The following RUNX2 variants were observed in gnomAD, a reference collection of about 807,000 sequenced individuals.
The protein encoded by RUNX2 is RUNX family transcription factor 2, also known as runt-related transcription factor 2.
Under a neutral mutation model 51.7 loss-of-function variants are expected in RUNX2, and 10 were observed. That is an observed-to-expected ratio of 0.19 (90% CI 0.12 to 0.33). The LOEUF (loss-of-function observed/expected upper bound fraction) is 0.33. Among genes scored for constraint, RUNX2 ranks in the 10% least tolerant of loss-of-function variants. RUNX2 has a pLI of 1.00. For synonymous variants in RUNX2, 276 were observed against 273.6 expected (o/e 1.01, Z -0.09); for missense variants, 562 against 691.3 (o/e 0.81, Z 2.10).
chr6:45,489,104 A>G (rs1439401764), intron 5 of RUNX2, among the ~76,000 whole-genome samples: 3 of 152,196 alleles, frequency 2.0e-5, no homozygotes, highest in African/African-American at 7.2e-5. Context: ...TACATTATGA[A>G]GAGTGCATTT....
intron 7 of RUNX2, among the ~76,000 whole-genome samples, chr6:45,515,935 A>C (rs1171073205): frequency 3.3e-5 from 5 of 152,192 alleles, no homozygotes; most frequent in Admixed American, 6.5e-5. Context: ...GTTCCAAAAG[A>C]AATTCCATTT....
chr6:45,549,893 TCTTC>T lies in RUNX2; in HGVS notation c.*2590_*2593del, dbSNP rs1470397707. On this transcript the variant is annotated 3_prime_UTR_variant, in exon 9 of 9. Transcript: ENST00000647337. ...TTTCCTTGGGAAAAATTCAAGCACTTCTTCCCTCCACCCTCACTCCAACCACCCC... is the reference window on the plus strand; with the variant it reads ...TTTCCTTGGGAAAAATTCAAGCACTTCCTCCACCCTCACTCCAACCACCCC... 7 of 152,820 alleles carry T rather than the reference TCTTC, an allele frequency of 4.6e-5. No homozygotes were observed. The highest frequency in any genetic ancestry group is 1.7e-4 in the African/African-American group (7 of 41,576). The allele number at this position is 152,820 out of a possible 1,614,324, so 9.5% of individuals were successfully genotyped here.
chr6:45,416,382 C>T (rs890220702), intron 2 of RUNX2, among the ~76,000 whole-genome samples: 7 of 152,148 alleles, frequency 4.6e-5, no homozygotes, highest in African/African-American at 1.7e-4. Context: ...AGTCACTGCC[C>T]TAATGCCTAA....
intron 5 of RUNX2, among the ~76,000 whole-genome samples, chr6:45,441,167 T>C (rs1342726212): frequency 6.6e-6 from 1 of 152,204 alleles, no homozygotes; most frequent in African/African-American, 2.4e-5. Flanking sequence ...AGTAGTATAC[T>C]TCTGTTTATC....
chr6:45,401,551 GA>G (rs1335134215), intron 2 of RUNX2, among the ~76,000 whole-genome samples: 4 of 152,202 alleles, frequency 2.6e-5, no homozygotes, highest in Admixed American at 6.5e-5. Context: ...ATCCAAAAAA[GA>G]GGTATGATTT....
chr6:45,346,783 T>C (rs1422908980), intron 2 of RUNX2, among the ~76,000 whole-genome samples: 1 of 152,102 alleles, frequency 6.6e-6, no homozygotes, highest in Non-Finnish European at 1.5e-5. Flanking sequence ...GTCAGGCTGG[T>C]CTCAAACTTG....
intron 3 of RUNX2, among the ~76,000 whole-genome samples, chr6:45,423,838 C>A (rs1371188842): frequency 2.0e-5 from 3 of 152,096 alleles, no homozygotes; most frequent in Non-Finnish European, 2.9e-5. Context: ...TGCTGGGAGG[C>A]GCGGGCCAGG....
chr6:45,383,212 A>T (rs1797277839), intron 2 of RUNX2, among the ~76,000 whole-genome samples: 2 of 152,172 alleles, frequency 1.3e-5, no homozygotes, highest in African/African-American at 4.8e-5. Context: ...AGGCAGGTGG[A>T]TCATTTGAGG....
intron 5 of RUNX2, among the ~76,000 whole-genome samples, chr6:45,459,556 G>A (rs986760763): frequency 2.0e-5 from 3 of 152,180 alleles, no homozygotes; most frequent in Admixed American, 2.0e-4. Flanking sequence ...ATTCAATTCG[G>A]CTATCACATG....
intron 2 of RUNX2, among the ~76,000 whole-genome samples, chr6:45,378,132 C>G (rs1200965341): frequency 1.3e-5 from 2 of 152,176 alleles, no homozygotes; most frequent in Middle Eastern, 6.4e-3. Flanking sequence ...GGGCGTTGTG[C>G]GCGGCCTTCA....
intron 2 of RUNX2, among the ~76,000 whole-genome samples, chr6:45,394,495 G>C (rs1797541711): frequency 6.6e-6 from 1 of 152,152 alleles, no homozygotes; most frequent in Admixed American, 6.5e-5. Flanking sequence ...AGATCTTTTA[G>C]CTGTGATTCT....
At chr6:45,429,072 T>A (rs1018673220) in intron 3 of RUNX2, among the ~76,000 whole-genome samples, 3 of 152,226 alleles carry the variant, frequency 2.0e-5, no homozygotes, top group Admixed American at 6.5e-5. Context: ...TCATTATAAT[T>A]ACACTCTATA....
intron 5 of RUNX2, among the ~76,000 whole-genome samples, chr6:45,449,669 G>T (rs1180065676): frequency 6.6e-6 from 1 of 152,208 alleles, no homozygotes; most frequent in African/African-American, 2.4e-5. Flanking sequence ...TAGTACAGAA[G>T]TCAAAGTTAT....
intron 2 of RUNX2, among the ~76,000 whole-genome samples, chr6:45,420,506 CCAACCAT>C (rs1395044449): frequency 6.6e-6 from 1 of 152,164 alleles, no homozygotes; most frequent in Non-Finnish European, 1.5e-5. Flanking sequence ...GAGAGATGAC[CCAACCAT>C]CTTTCTTCCT....
intron 6 of RUNX2, among the ~76,000 whole-genome samples, chr6:45,499,470 C>A (rs915507955): frequency 1.3e-5 from 2 of 152,160 alleles, no homozygotes; most frequent in Non-Finnish European, 2.9e-5. Context: ...AAGAATGAAG[C>A]TTCCTAGGAC....
intron 2 of RUNX2, among the ~76,000 whole-genome samples, chr6:45,412,768 G>A (rs370749063): frequency 5.3e-5 from 8 of 151,644 alleles, no homozygotes; most frequent in African/African-American, 1.9e-4. Context: ...TTTCTGAGAC[G>A]GAGTCTCGCT....
intron 2 of RUNX2, among the ~76,000 whole-genome samples, chr6:45,347,026 T>C (rs1791023257): frequency 6.6e-6 from 1 of 152,012 alleles, no homozygotes; most frequent in African/African-American, 2.4e-5. Context: ...ATAACTTACA[T>C]GGCTGAAAAG....
intron 5 of RUNX2, among the ~76,000 whole-genome samples, chr6:45,479,626 T>C (rs1164328769): frequency 6.6e-6 from 1 of 152,200 alleles, no homozygotes; most frequent in Non-Finnish European, 1.5e-5. Flanking sequence ...ATATATTTCA[T>C]ATGGACCAAA....
chr6:45,335,217 A>C (rs924977476), intron 2 of RUNX2, among the ~76,000 whole-genome samples: 1 of 151,296 alleles, frequency 6.6e-6, no homozygotes, highest in African/African-American at 2.4e-5. Context: ...TTCCCAGTTT[A>C]AGACTTCAAA....
Sources: allele counts gnomAD v4.1 joint callset (sites outside exome capture counted in the v4.1 genomes callset), GRCh38; gene constraint gnomAD v4.1.1; transcripts MANE v1.5; gene names NCBI Gene and HGNC (gene_info 2026-07-23, HGNC 2026-07-21).